The following CTNNA3 variants were observed in gnomAD, a reference collection of about 807,000 sequenced individuals.
The protein encoded by CTNNA3 is catenin alpha 3.
A neutral mutation model predicts 95.7 loss-of-function variants in CTNNA3; 76 were observed. That is an observed-to-expected ratio of 0.79 (90% CI 0.66 to 0.96). The LOEUF is 0.96. Among genes scored for constraint, CTNNA3 ranks in the 40% least tolerant of loss-of-function variants. CTNNA3 has a pLI of 0.00. For synonymous variants in CTNNA3, 431 were observed against 374.4 expected (o/e 1.15, Z -1.74); for missense variants, 1,191 against 1,089.8 (o/e 1.09, Z -1.31).
chr10:66,310,333 C>T (rs1431941505), intron 12 of CTNNA3, among the ~76,000 whole-genome samples: 8 of 152,076 alleles, frequency 5.3e-5, no homozygotes, highest in Non-Finnish European at 1.0e-4. Flanking sequence ...AATCTGAAGC[C>T]CACAGAGGTT....
In CTNNA3 at chr10:67,140,755, T is replaced by C. The variant is rs1400267149; in HGVS notation, c.1047+39562A>G. Among the ~76,000 whole-genome samples, 7 of 152,198 alleles carry C rather than the reference T, an allele frequency of 4.6e-5. 2 individuals carry two copies. The South Asian group carries it at 8.3e-4, about 18-fold the overall frequency. ...TATTCTAAGGACAGGTCAAGTCCTA[T>C]TTGGTTTTATGTGCCACGTGAAGGG... On this transcript the variant is annotated intron_variant, in intron 7 of 17. Transcript: ENST00000433211.
intron 14 of CTNNA3, among the ~76,000 whole-genome samples, chr10:66,071,590 A>C (rs1273889488): frequency 6.6e-6 from 1 of 152,170 alleles, no homozygotes; most frequent in African/African-American, 2.4e-5. Flanking sequence ...TATTGCCCAC[A>C]ATATACCAAT....
chr10:66,127,557 G>T (rs1021408604), intron 13 of CTNNA3, among the ~76,000 whole-genome samples: 1 of 152,020 alleles, frequency 6.6e-6, no homozygotes, highest in Non-Finnish European at 1.5e-5. Context: ...TCTAAGAACT[G>T]TCACAGCCAA....
intron 7 of CTNNA3, among the ~76,000 whole-genome samples, chr10:67,177,458 T>C (rs1467158669): frequency 1.3e-5 from 2 of 152,186 alleles, no homozygotes; most frequent in Admixed American, 6.5e-5. Context: ...CAGGTTTTGA[T>C]GAATTAATCA....
At chr10:67,761,573 G>A (rs866830170) in intron 1 of CTNNA3, among the ~76,000 whole-genome samples, 2 of 152,004 alleles carry the variant, frequency 1.3e-5, no homozygotes, top group Non-Finnish European at 2.9e-5. Context: ...AATTGAAACC[G>A]CCACATAAAA....
intron 12 of CTNNA3, among the ~76,000 whole-genome samples, chr10:66,322,633 G>A (rs10822806): frequency 0.82 from 125,220 of 152,056 alleles, 51,822 homozygotes; most frequent in Non-Finnish European, 0.85. Context: ...ACAAACAAGT[G>A]CCAGGAAAAG....
chr10:66,397,519 A>C (rs1256888283), intron 11 of CTNNA3, among the ~76,000 whole-genome samples: 3 of 151,800 alleles, frequency 2.0e-5, no homozygotes, highest in Non-Finnish European at 4.4e-5. Flanking sequence ...ATATTCATTC[A>C]TTCAATATCT....
intron 7 of CTNNA3, among the ~76,000 whole-genome samples, chr10:67,091,563 T>C (rs961573326): frequency 1.3e-5 from 2 of 152,052 alleles, no homozygotes; most frequent in African/African-American, 4.8e-5. Context: ...ATTAAAAATA[T>C]AGCTAATTTC....
At chr10:67,064,361 T>C (rs529994254) in intron 7 of CTNNA3, among the ~76,000 whole-genome samples, 1 of 152,286 alleles carries the variant, frequency 6.6e-6, no homozygotes, top group South Asian at 2.1e-4. Flanking sequence ...ACAAAAAATA[T>C]GCAGAGCATA....
At position 67,347,846 on chromosome 10, in the gene CTNNA3, A is replaced by AAC. The variant is rs759765240; in HGVS notation, c.580-127977_580-127976insGT. On this transcript the variant is annotated intron_variant, in intron 5 of 17. Transcript: ENST00000433211. The stretch of plus-strand genomic sequence containing the variant: ...AGTGTTTTCCTGAAAAAAAAAAAAA[A>AAC]AACACAAAAACCAAATACAATGGAG... Among the ~76,000 whole-genome samples the AAC allele has an allele frequency of 3.0e-3, 452 of 151,436 alleles. 3 individuals are homozygous for AAC. Among genetic ancestry groups the AAC allele is most frequent in the Non-Finnish European group, 5.4e-3 (366 of 67,790 alleles).
At chr10:66,210,165 T>C (rs1460307769) in intron 13 of CTNNA3, among the ~76,000 whole-genome samples, 1 of 151,920 alleles carries the variant, frequency 6.6e-6, no homozygotes, top group Non-Finnish European at 1.5e-5. Flanking sequence ...TAAGGGTAAG[T>C]ATGATAAGGA....
At chr10:66,859,165 T>C (rs1430994983) in intron 7 of CTNNA3, among the ~76,000 whole-genome samples, 1 of 152,024 alleles carries the variant, frequency 6.6e-6, no homozygotes, top group Non-Finnish European at 1.5e-5. Flanking sequence ...CTGAGGAGTG[T>C]GTATTAAGAA....
chr10:66,733,182 A>G (rs1849018394), intron 9 of CTNNA3, among the ~76,000 whole-genome samples: 2 of 152,336 alleles, frequency 1.3e-5, no homozygotes, highest in Non-Finnish European at 1.5e-5. Context: ...AAAAGAAGAA[A>G]AAACAAATAT....
At chr10:65,943,759 T>C (rs529065754) in intron 17 of CTNNA3, among the ~76,000 whole-genome samples, 1 of 152,298 alleles carries the variant, frequency 6.6e-6, no homozygotes. Flanking sequence ...CCCAGTTTTA[T>C]CTTAGAATAG....
intron 7 of CTNNA3, chr10:66,925,803 A>G: frequency 3.0e-6 from 1 of 337,040 alleles, no homozygotes; most frequent in Non-Finnish European, 5.9e-6. Flanking sequence ...GGACACAGAC[A>G]ATAAAGACGT....
At chr10:66,319,568 T>C (rs1325297885) in intron 12 of CTNNA3, among the ~76,000 whole-genome samples, 2 of 152,130 alleles carry the variant, frequency 1.3e-5, no homozygotes, top group Non-Finnish European at 2.9e-5. Context: ...ATGAACATAA[T>C]TGTTTAAGCA....
At chr10:67,291,117 G>C (rs1433015466) in intron 5 of CTNNA3, among the ~76,000 whole-genome samples, 1 of 152,098 alleles carries the variant, frequency 6.6e-6, no homozygotes, top group Non-Finnish European at 1.5e-5. Flanking sequence ...ATCCCTCCAA[G>C]TCTCAGTCTC....
intron 15 of CTNNA3, among the ~76,000 whole-genome samples, chr10:66,067,821 C>T (rs1233395316): frequency 6.6e-6 from 1 of 152,044 alleles, no homozygotes; most frequent in Non-Finnish European, 1.5e-5. Flanking sequence ...GAGGCTGAGG[C>T]AGAAGAATCG....
intron 11 of CTNNA3, among the ~76,000 whole-genome samples, chr10:66,394,425 T>C (rs2092958184): frequency 6.6e-6 from 1 of 151,862 alleles, no homozygotes; most frequent in Admixed American, 6.6e-5. Flanking sequence ...CCTTAGGCAT[T>C]CTCACTCAGA....
Sources: allele counts gnomAD v4.1 joint callset (sites outside exome capture counted in the v4.1 genomes callset), GRCh38; gene constraint gnomAD v4.1.1; transcripts MANE v1.5; gene names NCBI Gene and HGNC (gene_info 2026-07-23, HGNC 2026-07-21).